The following KCNJ6 variants were observed in gnomAD, a reference collection of about 807,000 sequenced individuals.
KCNJ6 encodes G protein-activated inward rectifier potassium channel 2.
KCNJ6 carries 9 observed loss-of-function variants against 34.2 expected under a neutral mutation model. That is an observed-to-expected ratio of 0.26 (90% CI 0.16 to 0.46). The LOEUF (loss-of-function observed/expected upper bound fraction) is 0.46, where lower values mean the gene tolerates loss of function less well. Among genes scored for constraint, KCNJ6 ranks in the 20% least tolerant of loss-of-function variants. KCNJ6 has a pLI of 1.00. For synonymous variants in KCNJ6, 196 were observed against 207.1 expected, an observed-to-expected ratio of 0.95 and a Z score of 0.46; for missense variants, 236 against 531.3, an observed-to-expected ratio of 0.44 and a Z score of 5.46.
chr21:37,903,383 T>C (rs1280462360), intron 1 of KCNJ6, among the ~76,000 whole-genome samples: 1 of 152,230 alleles, frequency 6.6e-6, no homozygotes, highest in Non-Finnish European at 1.5e-5. Flanking sequence ...CCACCATGAT[T>C]GTGAGGCCTC....
At chr21:37,759,538 G>A (rs1043242532) in intron 2 of KCNJ6, among the ~76,000 whole-genome samples, 7 of 152,114 alleles carry the variant, frequency 4.6e-5, no homozygotes, top group Admixed American at 6.5e-5. Flanking sequence ...CACTCCATCT[G>A]CCTGGCACGC....
chr21:37,770,329 G>C (rs1020993551), intron 2 of KCNJ6, among the ~76,000 whole-genome samples: 1 of 151,892 alleles, frequency 6.6e-6, no homozygotes, highest in Non-Finnish European at 1.5e-5. Flanking sequence ...TGACCTGTGA[G>C]GAGGTGCTCT....
chr21:37,875,894 T>C (rs1456591172), intron 1 of KCNJ6, among the ~76,000 whole-genome samples: 2 of 152,168 alleles, frequency 1.3e-5, no homozygotes, highest in African/African-American at 4.8e-5. Context: ...CGTTGGAGGG[T>C]GGCTTATAAA....
chr21:37,825,000 C>T (rs1335969664), intron 2 of KCNJ6, among the ~76,000 whole-genome samples: 1 of 151,994 alleles, frequency 6.6e-6, no homozygotes, highest in Non-Finnish European at 1.5e-5. Context: ...ATCTGTAAGT[C>T]TCTGTTCTGT....
chr21:37,692,166 A>C lies in KCNJ6; in HGVS notation c.946+22045T>G, dbSNP rs185623200. Among the ~76,000 whole-genome samples the C allele has an allele frequency of 2.9e-3, 437 of 152,338 alleles. 2 individuals carry two copies. The highest frequency in any genetic ancestry group is 5.0e-3 in the Non-Finnish European group (342 of 68,038). On this transcript the variant is annotated intron_variant, in intron 3 of 3. Transcript: ENST00000609713. ...ACCATGGCACATGTATACCTATGTA[A>C]CAAAGCTGCATGTTCTGCACAAGTA...
At chr21:37,634,321 T>G (rs1238049512) in intron 3 of KCNJ6, among the ~76,000 whole-genome samples, 2 of 152,162 alleles carry the variant, frequency 1.3e-5, no homozygotes, top group African/African-American at 4.8e-5. Context: ...CCTTTCTCTC[T>G]TGCCATGTGA....
intron 3 of KCNJ6, among the ~76,000 whole-genome samples, chr21:37,650,214 C>T (rs762904464): frequency 2.6e-5 from 4 of 152,110 alleles, no homozygotes; most frequent in African/African-American, 9.7e-5. Context: ...TCCCTCTGCC[C>T]GCTTCCTTGA....
intron 1 of KCNJ6, among the ~76,000 whole-genome samples, chr21:37,911,937 A>AT (rs953876530): frequency 2.6e-5 from 4 of 152,106 alleles, no homozygotes; most frequent in Admixed American, 1.3e-4. Context: ...AACTATTCTA[A>AT]TTTTTTTCCC....
intron 3 of KCNJ6, among the ~76,000 whole-genome samples, chr21:37,710,517 A>C (rs964953616): frequency 6.6e-6 from 1 of 152,196 alleles, no homozygotes; most frequent in Non-Finnish European, 1.5e-5. Context: ...AATAACCAAA[A>C]GGCTTAACGG....
intron 2 of KCNJ6, among the ~76,000 whole-genome samples, chr21:37,784,115 C>T (rs1002649546): frequency 1.3e-5 from 2 of 152,222 alleles, no homozygotes; most frequent in Admixed American, 1.3e-4. Context: ...CTCTTTGTGG[C>T]ATTTAAGCCC....
Position 37,625,061 on chromosome 21 carries a change from A to G in KCNJ6, c.*98T>C. 3.2e-6 allele frequency: 3 copies of G among 935,498 alleles called. No homozygotes were observed. Among genetic ancestry groups the G allele is most frequent in the Non-Finnish European group, 3.3e-6 (2 of 612,378 alleles). 57.9% of individuals were successfully genotyped at this position (935,498 alleles called of 1,614,324 possible). On this transcript the variant is annotated 3_prime_UTR_variant, in exon 4 of 4. Transcript: ENST00000609713. The stretch of plus-strand genomic sequence containing the variant: ...TCATGTAAAAATTAAATATAAACAA[A>G]TAAAGAACAAAGCAAGAGAGACAGA...
At chr21:37,839,812 C>T (rs7277955) in intron 2 of KCNJ6, among the ~76,000 whole-genome samples, 112,441 of 152,090 alleles carry the variant, frequency 0.74, 41,918 homozygotes, top group East Asian at 0.87. Context: ...TTATTTTTAT[C>T]TTTTATTTTG....
intron 1 of KCNJ6, among the ~76,000 whole-genome samples, chr21:37,862,585 G>A (rs1170931741): frequency 2.0e-5 from 3 of 152,198 alleles, no homozygotes; most frequent in Non-Finnish European, 4.4e-5. Context: ...TTCTATCTGG[G>A]CAGCCACCTG....
chr21:37,712,745 TCCTTCCTCC>T (rs1186022457), intron 3 of KCNJ6, among the ~76,000 whole-genome samples: 1 of 56,262 alleles, frequency 1.8e-5, no homozygotes, highest in African/African-American at 5.9e-5. Context: ...TCTCCTCCTC[TCCTTCCTCC>T]CCTTCCTCCT....
Position 37,839,212 on chromosome 21 carries a change from C to A in KCNJ6, c.25+1446G>T, listed in dbSNP as rs548751174. ...AAGTTGTAAATTCTTTTAACATTTT[C>A]AGTTTGCAAGACTACAGGTGGAAAA... On this transcript the variant is annotated intron_variant, in intron 2 of 3. Transcript: ENST00000609713. Among the ~76,000 whole-genome samples, 5 of 152,220 alleles carry A rather than the reference C, an allele frequency of 3.3e-5. No individual in the cohort carries two copies. In the South Asian group the frequency reaches 1.0e-3, roughly 32 times the overall value.
At position 37,610,598 on chromosome 21, in the gene KCNJ6, T is replaced by TAAAAAAAAAAAAAAAAAAAAAAAAA. The variant is rs71328602; in HGVS notation, c.*14560_*14561insTTTTTTTTTTTTTTTTTTTTTTTTT. 1.3e-5 allele frequency: 1 copy of TAAAAAAAAAAAAAAAAAAAAAAAAA among 77,474 alleles called. No homozygotes were observed. The highest frequency in any genetic ancestry group is 5.7e-5 in the African/African-American group (1 of 17,432). 4.8% of individuals were successfully genotyped at this position (77,474 alleles called of 1,614,324 possible). On this transcript the variant is annotated 3_prime_UTR_variant, in exon 4 of 4. Transcript: ENST00000609713. ...TGGGCAACAGAGTGAGACTCTGTCT[T>TAAAAAAAAAAAAAAAAAAAAAAAAA]AAAAAAAAAAAAAAAAAAAAAAGGA...
intron 2 of KCNJ6, among the ~76,000 whole-genome samples, chr21:37,771,594 G>C (rs531107082): frequency 2.0e-5 from 3 of 152,308 alleles, no homozygotes; most frequent in East Asian, 3.9e-4. Context: ...CTGCTCATTA[G>C]TCTATGGTCC....
intron 2 of KCNJ6, among the ~76,000 whole-genome samples, chr21:37,771,058 AG>A (rs2055115577): frequency 6.6e-6 from 1 of 152,186 alleles, no homozygotes; most frequent in Non-Finnish European, 1.5e-5. Flanking sequence ...TCACATAAGG[AG>A]GAATTATGAC....
At chr21:37,741,088 C>T (rs2054939146) in intron 2 of KCNJ6, among the ~76,000 whole-genome samples, 1 of 152,238 alleles carries the variant, frequency 6.6e-6, no homozygotes, top group South Asian at 2.1e-4. Flanking sequence ...CCTCATCTAG[C>T]TCTCCAGGTC....
Sources: allele counts gnomAD v4.1 joint callset (sites outside exome capture counted in the v4.1 genomes callset), GRCh38; gene constraint gnomAD v4.1.1; transcripts MANE v1.5; gene names NCBI Gene and HGNC (gene_info 2026-07-23, HGNC 2026-07-21).